The following XRCC3 variants were observed in gnomAD, a reference collection of about 807,000 sequenced individuals.
The protein encoded by XRCC3 is DNA repair protein XRCC3.
In XRCC3, 34 loss-of-function variants were observed where a neutral mutation model predicts 29.2. The ratio of observed to expected loss-of-function variants is 1.16; its 90% confidence interval spans 0.88 to 1.55. The LOEUF is 1.55. Ranked by LOEUF, XRCC3 falls within the 40% of genes most tolerant of loss-of-function variation. The probability of loss-of-function intolerance (pLI) is 0.00; values close to 1 mark genes in which losing one functional copy is unlikely to be tolerated. For missense variants in XRCC3, 463 were observed against 467.6 expected (o/e 0.99, Z 0.09); for synonymous variants, 223 against 211.3 (o/e 1.06, Z -0.48).
chr14:103,706,613 T>TA, intron 6 of XRCC3: 1 of 377,788 alleles, frequency 2.6e-6, no homozygotes, highest in South Asian at 2.1e-5. Context: ...GCCAGGAGCA[T>TA]ACCTGGCCTG....
At chr14:103,713,579 A>G (rs554575038) in intron 1 of XRCC3, 72 of 152,430 alleles carry the variant, frequency 4.7e-4, no homozygotes, top group African/African-American at 1.5e-3. Flanking sequence ...GGACGGTCAC[A>G]CCAGAGCTGT....
chr14:103,714,952 C>T (rs200972276), intron 1 of XRCC3, among the ~76,000 whole-genome samples: 2 of 152,068 alleles, frequency 1.3e-5, no homozygotes, highest in African/African-American at 4.8e-5. Flanking sequence ...CCAAAGTGCT[C>T]GGATTACAGG....
rs1303525348 is a variant in XRCC3 at position 103,699,516 on chromosome 14, G to C, written c.622C>G (p.Arg208Gly). The change falls in exon 8 of 10, where the codon CGC becomes GGC. Residue 208 changes from arginine (R) to glycine (G), a missense_variant. Coordinates refer to ENST00000555055, the MANE Select transcript of XRCC3 (RefSeq NM_005432.4). ...VPVLLSRGMARLVVIDSVAAP... is the reference protein window; with the variant it reads ...VPVLLSRGMAGLVVIDSVAAP... ...GCCACCGAGTCGATGACCACCAGGC[G>C]AGCCATGCCCCGAGACAGCAGTACG... 1.9e-6 allele frequency: 3 copies of C among 1,613,172 alleles called. No homozygotes were observed. The highest frequency in any genetic ancestry group is 2.5e-6 in the Non-Finnish European group (3 of 1,179,966).
At chr14:103,703,014 C>T (rs921970301) in intron 7 of XRCC3, 159 bp downstream of exon 7, 6 of 1,140,028 alleles carry the variant, frequency 5.3e-6, no homozygotes, top group African/African-American at 1.5e-5. Flanking sequence ...ACCCCACCTG[C>T]TCCTCGGGCG....
At chr14:103,704,360 G>A (rs895076852) in intron 6 of XRCC3, 2 of 152,174 alleles carry the variant, frequency 1.3e-5, no homozygotes, top group African/African-American at 2.4e-5. Context: ...TAGTGGTGAC[G>A]GGCACAGAAC....
At chr14:103,701,383 G>T in intron 7 of XRCC3, 1 of 611,876 alleles carries the variant, frequency 1.6e-6, no homozygotes, top group Non-Finnish European at 2.7e-6. Flanking sequence ...CTTGGGGCTG[G>T]GGCTGGGCCT....
rs2083466291 is a variant in XRCC3 at position 103,707,202 on chromosome 14, G to A, written c.207C>T (p.His69=). ...GSSILTALQL[H]QQKERFPTQH... ...GCGTGGGGAACCGCTCCTTCTGCTG[G>A]TGCAGCTGCAGTGCTAAAGGGCAGG... The change falls in exon 6 of 10, where the codon CAC becomes CAT. Residue 69 remains histidine (H), a synonymous_variant. Transcript: ENST00000555055. The A allele has an allele frequency of 1.3e-6, 2 of 1,548,744 alleles. No homozygotes were observed. The highest frequency in any genetic ancestry group is 1.2e-5 in the South Asian group (1 of 83,984).
intron 5 of XRCC3, 121 bp downstream of exon 5, chr14:103,708,401 G>A: frequency 7.0e-7 from 1 of 1,438,096 alleles, no homozygotes; most frequent in East Asian, 2.4e-5. Flanking sequence ...GGCTGGAGCA[G>A]CTGCCACACG....
At position 103,703,197 on chromosome 14, in the gene XRCC3, G is replaced by C. The variant is rs2151930903; in HGVS notation, c.537C>G (p.Ile179Met). ...CCACATCGGCCACGTGCTCGATGAA[G>C]ATCTGGCTGCCAAATCGGAGCTTCT... ...LLQKLRFGSQ[I>M]FIEHVADVDT... The change falls in exon 7 of 10, where the codon ATC becomes ATG. Residue 179 changes from isoleucine (I) to methionine (M), a missense_variant. Coordinates refer to ENST00000555055, the MANE Select transcript of XRCC3 (RefSeq NM_005432.4). 1 of 1,572,682 alleles carries C rather than the reference G, an allele frequency of 6.4e-7. No individual in the cohort carries two copies.
chr14:103,704,894 A>C (rs1267245809), intron 6 of XRCC3: 2 of 152,204 alleles, frequency 1.3e-5, no homozygotes, highest in Non-Finnish European at 2.9e-5. Context: ...AAGGCTGCCC[A>C]GCCAGGACCC....
rs115217262 is a variant in XRCC3 at position 103,708,359 on chromosome 14, T to C, written c.193+163A>G. 7.3e-4 allele frequency: 761 copies of C among 1,043,142 alleles called. 5 individuals are homozygous for C. In the African/African-American group the frequency reaches 0.011, roughly 15 times the overall value. 64.6% of individuals were successfully genotyped at this position (1,043,142 alleles called of 1,614,324 possible). A position where few individuals can be genotyped will look rare whatever the true frequency, so the allele number is the denominator to read the frequency against. On this transcript the variant is annotated intron_variant, in intron 5 of 9. Coordinates refer to ENST00000555055, the MANE Select transcript of XRCC3 (RefSeq NM_005432.4). ...ACCCGATGCTGTGACCACAGCCCCA[T>C]GGGTGTAGGACAAGCAAGATGGGAA...
intron 6 of XRCC3, chr14:103,705,592 C>A (rs1043462543): frequency 6.6e-6 from 1 of 152,142 alleles, no homozygotes; most frequent in Non-Finnish European, 1.5e-5. Context: ...TGACCCCTAA[C>A]CTTGCATGTG....
At chr14:103,700,722 G>T (rs145276490) in intron 7 of XRCC3, 3 of 1,597,092 alleles carry the variant, frequency 1.9e-6, no homozygotes, top group Admixed American at 1.8e-5. Flanking sequence ...AGACGCCACC[G>T]CTAACGTGAG....
intron 4 of XRCC3, chr14:103,708,978 A>G: frequency 2.6e-6 from 1 of 378,264 alleles, no homozygotes; most frequent in East Asian, 6.5e-5. Context: ...TCCGGTACTG[A>G]GAAGAAACGA....
At chr14:103,711,848 C>T (rs1286436022) in intron 2 of XRCC3, 1 of 381,530 alleles carries the variant, frequency 2.6e-6, no homozygotes, top group South Asian at 1.9e-5. Flanking sequence ...GGCCACTCTG[C>T]ATCCCCTGTC....
chr14:103,711,032 C>G lies in XRCC3; in HGVS notation c.55+1G>C. 1 of 1,614,066 alleles carries G rather than the reference C, an allele frequency of 6.2e-7. No homozygotes were observed. Among genetic ancestry groups the G allele is most frequent in the Non-Finnish European group, 8.5e-7 (1 of 1,179,948 alleles). On this transcript the variant is annotated splice_donor_variant, in intron 4 of 9. Coordinates refer to ENST00000555055, the MANE Select transcript of XRCC3 (RefSeq NM_005432.4). LOFTEE classifies it high-confidence loss of function. ...CTTTATGTAAATAGAAATAAATGTA[C>G]CTTTCTTAATTGCAGCAATAATTCT... is the stretch of plus-strand genomic sequence containing the variant.
chr14:103,710,884 C>CACA lies in XRCC3; in HGVS notation c.55+148_55+149insTGT, dbSNP rs1365325522. 6 of 609,548 alleles carry CACA rather than the reference C, an allele frequency of 9.8e-6. No homozygotes were observed. The African/African-American group carries it at 1.1e-4, about 12-fold the overall frequency. The allele number at this position is 609,548 out of a possible 1,614,324, so 37.8% of individuals were successfully genotyped here. A position where few individuals can be genotyped will look rare whatever the true frequency, so the allele number is the denominator to read the frequency against. ...CACACACACACACACACACACACAC[C>CACA]TGAAAATCCCATAGTACATCCCGCC... is the stretch of plus-strand genomic sequence containing the variant. On this transcript the variant is annotated intron_variant, in intron 4 of 9. Transcript: ENST00000555055.
chr14:103,701,083 C>T, intron 7 of XRCC3: 1 of 1,287,706 alleles, frequency 7.8e-7, no homozygotes, highest in African/African-American at 1.5e-5. Flanking sequence ...ACCAGCAACA[C>T]CCTCTTCTCT....
rs957089512 is a variant in XRCC3, at chr14:103,698,743, C to T, written c.*55G>A. The T allele has an allele frequency of 4.1e-5, 61 of 1,503,654 alleles. No homozygotes were observed. The highest frequency in any genetic ancestry group is 4.5e-4 in the Middle Eastern group (2 of 4,412). 93.1% of individuals were successfully genotyped at this position (1,503,654 alleles called of 1,614,324 possible). ...CCCAGGCAGACGCGTTTTAAAGGCC[C>T]GAGCCCCGTGTGTCGGGGCTTCTCA... On this transcript the variant is annotated 3_prime_UTR_variant, in exon 10 of 10. Transcript: ENST00000555055.
Sources: gnomAD v4.1 joint callset for allele counts (sites outside exome capture counted in the v4.1 genomes callset) on GRCh38, gnomAD v4.1.1 for gene constraint, MANE v1.5 for transcripts, NCBI Gene and HGNC (gene_info 2026-07-23, HGNC 2026-07-21) for gene names.